ERO1B: variants seen among roughly 807,000 people sequenced by gnomAD.
ERO1B encodes endoplasmic reticulum oxidoreductase 1 beta, also known as ERO1-like protein beta.
In ERO1B, 49 loss-of-function variants were observed where a neutral mutation model predicts 75.3. That is an observed-to-expected ratio of 0.65 (90% confidence interval 0.52 to 0.83). The LOEUF is 0.83. Among genes scored for constraint, ERO1B ranks in the 40% least tolerant of loss-of-function variants. ERO1B has a pLI of 0.00. For synonymous variants in ERO1B, 191 were observed against 192.9 expected, an observed-to-expected ratio of 0.99 and a Z score of 0.08; for missense variants, 512 against 560.1, an observed-to-expected ratio of 0.91 and a Z score of 0.87.
At position 236,253,421 on chromosome 1, in the gene ERO1B, C is replaced by A; in HGVS notation, c.306+1G>T. ...TTGCCCTGTTATTTTATTTATTATA[C>A]CTCTGGACAGGGCTCCACATGACAG... On this transcript the variant is annotated splice_donor_variant, in intron 3 of 15. Transcript: ENST00000354619. LOFTEE classifies it high-confidence loss of function. 6.3e-7 allele frequency: 1 copy of A among 1,590,914 alleles called. No homozygotes were observed. The highest frequency in any genetic ancestry group is 8.6e-7 in the Non-Finnish European group (1 of 1,161,048).
At chr1:236,239,861 A>ATATATATGTGTATATATATG (rs1664648228) in intron 6 of ERO1B, among the ~76,000 whole-genome samples, 1 of 27,178 alleles carries the variant, frequency 3.7e-5, no homozygotes, top group African/African-American at 2.1e-4. Context: ...GTATATATGT[A>ATATATATGTGTATATATATG]TATATATATG....
intron 6 of ERO1B, among the ~76,000 whole-genome samples, chr1:236,242,060 T>C (rs1356879364): frequency 2.7e-5 from 3 of 110,420 alleles, no homozygotes; most frequent in Non-Finnish European, 6.2e-5. Flanking sequence ...ACAGCGAGAC[T>C]CTGTCTCAAA....
chr1:236,241,268 G>T (rs1047061572), intron 6 of ERO1B, among the ~76,000 whole-genome samples: 2 of 152,170 alleles, frequency 1.3e-5, no homozygotes, highest in Non-Finnish European at 2.9e-5. Context: ...TATAGGCCAG[G>T]CACGGTGGCT....
At chr1:236,233,315 A>T (rs1664460149) in intron 8 of ERO1B, among the ~76,000 whole-genome samples, 1 of 151,456 alleles carries the variant, frequency 6.6e-6, no homozygotes, top group Admixed American at 6.6e-5. Context: ...GTCTCAAAAA[A>T]AAAAAAAAGA....
At chr1:236,251,947 C>T in intron 4 of ERO1B, 103 bp downstream of exon 4, 1 of 825,384 alleles carries the variant, frequency 1.2e-6, no homozygotes, top group East Asian at 2.7e-5. Flanking sequence ...GTCTCCATTC[C>T]CAACTAACCA....
At chr1:236,233,436 A>G (rs2102944511) in intron 8 of ERO1B, among the ~76,000 whole-genome samples, 1 of 152,040 alleles carries the variant, frequency 6.6e-6, no homozygotes, top group African/African-American at 2.4e-5. Flanking sequence ...ATCTCTACTA[A>G]AAATACAAAA....
rs1208277511 is a variant in ERO1B at position 236,225,094 on chromosome 1, G to A, written c.1098C>T (p.Asp366=). Reference sequence around the variant, plus strand: ...CCTTTAGTGACTTGGCCCCTTTTTTGTCACCTGCAAACATGGATTTCTCAT... The same window carrying A: ...CCTTTAGTGACTTGGCCCCTTTTTTATCACCTGCAAACATGGATTTCTCAT... The part of the protein sequence containing the change: ...HFDEKSMFAG[D]KKGAKSLKEE... Residue 366 remains aspartate (D), a synonymous_variant, in exon 13 of 16, where the codon GAC becomes GAT. Coordinates refer to ENST00000354619, the MANE Select transcript of ERO1B (RefSeq NM_019891.4). 6.2e-7 allele frequency: 1 copy of A among 1,613,882 alleles called. No homozygotes were observed. The highest frequency in any genetic ancestry group is 1.7e-5 in the Admixed American group (1 of 59,984).
chr1:236,219,267 A>G (rs1664075170), intron 15 of ERO1B, among the ~76,000 whole-genome samples: 1 of 152,322 alleles, frequency 6.6e-6, no homozygotes, highest in Admixed American at 6.5e-5. Context: ...GAAACAAACT[A>G]GGAAAGCAGT....
At chr1:236,250,280 G>T (rs1016549450) in intron 4 of ERO1B, among the ~76,000 whole-genome samples, 1 of 151,920 alleles carries the variant, frequency 6.6e-6, no homozygotes, top group Non-Finnish European at 1.5e-5. Flanking sequence ...GACCAGCCTG[G>T]TCAACATGGT....
In ERO1B at chr1:236,220,859, A is replaced by G. The variant is rs1664120676; in HGVS notation, c.1316T>C (p.Ile439Thr). ...SKGFQLTRQE[I>T]VALLNAFGRL... ...TCCAAAAGCATTTAAAAGAGCAACT[A>G]TTTCCTGTCGGGTGAGTTGGAAGCC... The change falls in exon 15 of 16, where the codon ATA becomes ACA. Residue 439 changes from isoleucine (I) to threonine (T), a missense_variant. Transcript: ENST00000354619. The G allele has an allele frequency of 1.3e-6, 2 of 1,585,138 alleles. No homozygotes were observed.
chr1:236,270,869 A>G (rs2695046), intron 1 of ERO1B, among the ~76,000 whole-genome samples: 140,156 of 152,220 alleles, frequency 0.92, 65,628 homozygotes, highest in East Asian at 1. Context: ...GGGATGGATG[A>G]TGGGGTAGGT....
At chr1:236,236,971 T>C (rs1239758952) in intron 6 of ERO1B, among the ~76,000 whole-genome samples, 1 of 152,160 alleles carries the variant, frequency 6.6e-6, no homozygotes, top group Non-Finnish European at 1.5e-5. Context: ...TTTACTGATG[T>C]CAACATATTG....
chr1:236,255,464 G>A (rs906602773), intron 2 of ERO1B, among the ~76,000 whole-genome samples: 6 of 152,180 alleles, frequency 3.9e-5, no homozygotes, highest in African/African-American at 1.2e-4. Flanking sequence ...CTTATTGTCT[G>A]CGCCTCCTAC....
At chr1:236,269,226 C>T (rs1272776743) in intron 2 of ERO1B, among the ~76,000 whole-genome samples, 1 of 152,100 alleles carries the variant, frequency 6.6e-6, no homozygotes, top group Non-Finnish European at 1.5e-5. Flanking sequence ...CAGAGCGAGA[C>T]TTCATCTCAA....
intron 14 of ERO1B, 133 bp from the exon 15 acceptor site, chr1:236,221,098 C>G: frequency 1.6e-6 from 1 of 630,236 alleles, no homozygotes; most frequent in Middle Eastern, 4.7e-4. Context: ...AAAAATATTA[C>G]TACAGTTTCT....
At chr1:236,232,930 AT>A in intron 8 of ERO1B, 91 bp from the exon 9 acceptor site, 1 of 1,086,536 alleles carries the variant, frequency 9.2e-7, no homozygotes, top group Non-Finnish European at 1.3e-6. Flanking sequence ...CTGTTAAACT[AT>A]TAATTATATC....
chr1:236,255,639 G>A (rs1050388256), intron 2 of ERO1B, among the ~76,000 whole-genome samples: 6 of 152,184 alleles, frequency 3.9e-5, no homozygotes, highest in Non-Finnish European at 8.8e-5. Flanking sequence ...GATCAACTCT[G>A]ACTTTTGGTA....
In ERO1B at chr1:236,253,415, A is replaced by G. The variant is rs556223126; in HGVS notation, c.306+7T>C. On this transcript the variant is annotated splice_region_variant and intron_variant, in intron 3 of 15. Transcript: ENST00000354619. ...TTGGCTTTGCCCTGTTATTTTATTTATTATACCTCTGGACAGGGCTCCACA... is the reference window on the plus strand; with the variant it reads ...TTGGCTTTGCCCTGTTATTTTATTTGTTATACCTCTGGACAGGGCTCCACA... The G allele has an allele frequency of 5.1e-6, 8 of 1,577,442 alleles. No individual in the cohort carries two copies. The South Asian group carries it at 9.0e-5, about 18-fold the overall frequency.
intron 6 of ERO1B, among the ~76,000 whole-genome samples, chr1:236,238,538 TTTA>T (rs1488380405): frequency 0.041 from 3,708 of 90,078 alleles, 219 homozygotes; most frequent in East Asian, 0.37. Context: ...TTTTTTTTTT[TTTA>T]AAAAAAAAAA....
Sources: gnomAD v4.1 joint callset for allele counts (sites outside exome capture counted in the v4.1 genomes callset) on GRCh38, gnomAD v4.1.1 for gene constraint, MANE v1.5 for transcripts, NCBI Gene and HGNC (gene_info 2026-07-23, HGNC 2026-07-21) for gene names.